The following CENPW variants were observed in gnomAD, a reference collection of about 807,000 sequenced individuals.
The protein encoded by CENPW is centromere protein W.
Under a neutral mutation model 11.1 loss-of-function variants are expected in CENPW, and 3 were observed. That is an observed-to-expected ratio of 0.27 (90% CI 0.12 to 0.70). The LOEUF is 0.70. Among genes scored for constraint, CENPW ranks in the 30% least tolerant of loss-of-function variants. CENPW has a pLI of 0.77. For synonymous variants in CENPW, 38 were observed against 42.0 expected (o/e 0.91, Z 0.37); for missense variants, 100 against 105.6 (o/e 0.95, Z 0.23).
chr6:126,469,764 G>A, the CENPW span, among the ~76,000 whole-genome samples: 7 of 152,170 alleles, frequency 4.6e-5, no homozygotes, highest in Admixed American at 2.0e-4. Flanking sequence ...TTCTTGCTAC[G>A]CTTTAGCAAA....
the CENPW span, among the ~76,000 whole-genome samples, chr6:126,459,800 T>C: frequency 6.6e-6 from 1 of 151,556 alleles, no homozygotes; most frequent in Non-Finnish European, 1.5e-5. Context: ...CTTCTTTTTC[T>C]CCCTAACTTT....
chr6:126,359,616 T>G, the CENPW span, among the ~76,000 whole-genome samples: 1 of 152,148 alleles, frequency 6.6e-6, no homozygotes, highest in Non-Finnish European at 1.5e-5. Context: ...GTTGGGTGAT[T>G]ACATAATTAG....
chr6:126,462,047 A>G, the CENPW span, among the ~76,000 whole-genome samples: 1 of 151,972 alleles, frequency 6.6e-6, no homozygotes, highest in Non-Finnish European at 1.5e-5. Context: ...TTTTCATTTA[A>G]AAGAAGAGAG....
chr6:126,414,763 T>C, the CENPW span, among the ~76,000 whole-genome samples: 1 of 149,438 alleles, frequency 6.7e-6, no homozygotes, highest in Non-Finnish European at 1.5e-5. Flanking sequence ...TAGAGAAAAA[T>C]AAATATTAAA....
At chr6:126,411,380 A>T in the CENPW span, among the ~76,000 whole-genome samples, 1 of 152,032 alleles carries the variant, frequency 6.6e-6, no homozygotes, top group Non-Finnish European at 1.5e-5. Flanking sequence ...CATTGGGGAG[A>T]CCTAGCTGGA....
At chr6:126,382,769 A>T in the CENPW span, among the ~76,000 whole-genome samples, 1 of 152,214 alleles carries the variant, frequency 6.6e-6, no homozygotes, top group Non-Finnish European at 1.5e-5. Context: ...GAAACCTCCA[A>T]GAAGTATGGG....
chr6:126,476,251 A>C, the CENPW span, among the ~76,000 whole-genome samples: 1 of 152,014 alleles, frequency 6.6e-6, no homozygotes, highest in Non-Finnish European at 1.5e-5. Context: ...GTTGAAGCTC[A>C]AAGATTACAT....
At chr6:126,436,778 T>C in the CENPW span, among the ~76,000 whole-genome samples, 202 of 152,036 alleles carry the variant, frequency 1.3e-3, no homozygotes, top group African/African-American at 4.5e-3. Flanking sequence ...AGCTGAATTT[T>C]GTTTGCTAAT....
At chr6:126,438,448 G>GA in the CENPW span, among the ~76,000 whole-genome samples, 1 of 151,288 alleles carries the variant, frequency 6.6e-6, no homozygotes, top group African/African-American at 2.4e-5. Flanking sequence ...TTTTTTGATA[G>GA]AAAAAATTAA....
At chr6:126,357,087 G>A in the CENPW span, among the ~76,000 whole-genome samples, 7 of 152,140 alleles carry the variant, frequency 4.6e-5, no homozygotes, top group Non-Finnish European at 7.4e-5. Flanking sequence ...ATACATTTAA[G>A]TCTTTAGTCC....
the CENPW span, among the ~76,000 whole-genome samples, chr6:126,377,290 A>G: frequency 6.6e-6 from 1 of 152,152 alleles, no homozygotes; most frequent in Non-Finnish European, 1.5e-5. Flanking sequence ...ACTTTTCACT[A>G]CTTTACATAT....
chr6:126,451,084 A>G, the CENPW span, among the ~76,000 whole-genome samples: 3 of 151,036 alleles, frequency 2.0e-5, no homozygotes, highest in African/African-American at 7.3e-5. Context: ...GTTTCAGCAA[A>G]TATTAAGGGA....
chr6:126,481,061 A>G, the CENPW span, among the ~76,000 whole-genome samples: 1 of 152,074 alleles, frequency 6.6e-6, no homozygotes, highest in African/African-American at 2.4e-5. Context: ...TATTAAGGAT[A>G]TGTGTAATGA....
the CENPW span, among the ~76,000 whole-genome samples, chr6:126,383,944 A>G: frequency 6.6e-6 from 1 of 152,212 alleles, no homozygotes; most frequent in Non-Finnish European, 1.5e-5. Context: ...GCAACAGAAT[A>G]TAGATTCTTC....
the CENPW span, among the ~76,000 whole-genome samples, chr6:126,482,436 C>T: frequency 2.0e-5 from 3 of 151,796 alleles, no homozygotes; most frequent in Admixed American, 6.6e-5. Context: ...GAAAGAGGCA[C>T]CCATCATGAC....
At chr6:126,433,511 G>A in the CENPW span, among the ~76,000 whole-genome samples, 2 of 152,170 alleles carry the variant, frequency 1.3e-5, no homozygotes, top group Non-Finnish European at 2.9e-5. Context: ...ATGTCAGAAA[G>A]CAGTGGAGTT....
the CENPW span, among the ~76,000 whole-genome samples, chr6:126,394,772 C>T: frequency 2.6e-5 from 4 of 151,966 alleles, no homozygotes; most frequent in Admixed American, 2.6e-4. Context: ...CTTTATTTCT[C>T]CTTCATCTTT....
the CENPW span, among the ~76,000 whole-genome samples, chr6:126,476,552 G>GTCACAT: frequency 6.6e-6 from 1 of 151,892 alleles, no homozygotes; most frequent in Non-Finnish European, 1.5e-5. Flanking sequence ...TACTAGAGGA[G>GTCACAT]TCACATTATG....
chr6:126,386,033 T>G, the CENPW span, among the ~76,000 whole-genome samples: 1 of 152,118 alleles, frequency 6.6e-6, no homozygotes, highest in African/African-American at 2.4e-5. Context: ...ATAAATGTAT[T>G]CTTTTGAAAT....
Sources: gnomAD v4.1 joint callset for allele counts (sites outside exome capture counted in the v4.1 genomes callset) on GRCh38, gnomAD v4.1.1 for gene constraint, MANE v1.5 for transcripts, NCBI Gene and HGNC (gene_info 2026-07-23, HGNC 2026-07-21) for gene names.